Variants in LAMA3 observed in about 807,000 individuals in gnomAD.
The protein encoded by LAMA3 is laminin subunit alpha 3, also known as laminin subunit alpha-3.
Under a neutral mutation model 402.0 loss-of-function variants are expected in LAMA3, and 281 were observed. The observed-to-expected ratio is 0.70, with a 90% CI of 0.63 to 0.77. The LOEUF is 0.77. Ranked by LOEUF, LAMA3 falls within the 30% of genes least tolerant of loss-of-function variation. LAMA3 has a pLI of 0.00. For missense variants in LAMA3, 3,840 were observed against 4,215.5 expected (o/e 0.91, Z 2.47); for synonymous variants, 1,431 against 1,558.4 (o/e 0.92, Z 1.93).
chr18:23,951,857 C>A, intron 73 of LAMA3, 80 bp downstream of exon 73: 1 of 1,093,748 alleles, frequency 9.1e-7, no homozygotes, highest in Non-Finnish European at 1.4e-6. Flanking sequence ...CAAAGGCAGC[C>A]TCAGCCCCTC....
chr18:23,905,774 A>G, intron 52 of LAMA3, 150 bp downstream of exon 52: 1 of 419,530 alleles, frequency 2.4e-6, no homozygotes. Context: ...TATTACTATT[A>G]TTATTTTTAA....
At chr18:23,807,056 C>T (rs1487769907) in intron 12 of LAMA3, among the ~76,000 whole-genome samples, 5 of 152,142 alleles carry the variant, frequency 3.3e-5, no homozygotes, top group Non-Finnish European at 4.4e-5. Flanking sequence ...ATCTCTATTA[C>T]CACATCACAC....
chr18:23,915,161 A>G (rs1430418850), intron 58 of LAMA3, 128 bp from the exon 59 acceptor site: 3 of 1,080,438 alleles, frequency 2.8e-6, no homozygotes, highest in Non-Finnish European at 2.8e-6. Context: ...AAGCCAGGGC[A>G]TCTTGTTCCA....
At chr18:23,798,527 G>A (rs562706507) in intron 12 of LAMA3, among the ~76,000 whole-genome samples, 52 of 152,322 alleles carry the variant, frequency 3.4e-4, no homozygotes, top group Admixed American at 7.8e-4. Flanking sequence ...GGTTTTGGCC[G>A]TGATGCTCCT....
At position 23,709,236 on chromosome 18, in the gene LAMA3, A is replaced by G. The variant is rs140450967; in HGVS notation, c.295-4684A>G. On this transcript the variant is annotated intron_variant, in intron 1 of 74. Coordinates refer to ENST00000313654, the MANE Select transcript of LAMA3 (RefSeq NM_198129.4). ...CAGGCAGGCACCACCACACCCAGCT[A>G]TTATTTTTGTATTTTTAGTAGAGAC... Among the ~76,000 whole-genome samples, 605 of 151,540 alleles carry G rather than the reference A, an allele frequency of 4.0e-3. 3 individuals carry two copies. The highest frequency in any genetic ancestry group is 0.02 in the Middle Eastern group (6 of 294).
chr18:23,945,864 G>T (rs2082690843), intron 69 of LAMA3, among the ~76,000 whole-genome samples: 1 of 152,042 alleles, frequency 6.6e-6, no homozygotes, highest in African/African-American at 2.4e-5. Context: ...TCTCTTTTGT[G>T]TAAGTTTCCA....
chr18:23,758,838 G>T (rs2061909017), intron 7 of LAMA3, among the ~76,000 whole-genome samples: 1 of 152,104 alleles, frequency 6.6e-6, no homozygotes, highest in African/African-American at 2.4e-5. Context: ...TTCATAGGAC[G>T]TGATACTGGA....
chr18:23,696,707 C>G (rs1276159646), intron 1 of LAMA3, among the ~76,000 whole-genome samples: 5 of 152,180 alleles, frequency 3.3e-5, no homozygotes, highest in African/African-American at 1.2e-4. Flanking sequence ...ACCATGTTGC[C>G]TAGGCTGGTC....
In LAMA3 at chr18:23,689,755, G is replaced by A. The variant is rs761264080; in HGVS notation, c.72G>A (p.Leu24=). Residue 24 remains leucine, a synonymous_variant, in exon 1 of 75, where the codon CTG becomes CTA. Coordinates refer to ENST00000313654, the MANE Select transcript of LAMA3 (RefSeq NM_198129.4). ...TGCCGCCGACGCCGCTGCTCCTGCT[G>A]GTACTGCGGGTGCTGCCAGCCTGCG... ...PVLPPTPLLL[L]VLRVLPACGA... is the part of the protein sequence containing the mutation. The A allele has an allele frequency of 5.3e-6, 8 of 1,519,984 alleles. No individual in the cohort carries two copies. In the South Asian group the frequency reaches 7.4e-5, roughly 14 times the overall value. 94.2% of individuals were successfully genotyped at this position (1,519,984 alleles called of 1,614,324 possible).
rs2063047148 is a variant in LAMA3 at position 23,810,488 on chromosome 18, T to A, written c.1726T>A (p.Phe576Ile). 6.2e-7 allele frequency: 1 copy of A among 1,614,044 alleles called. No homozygotes were observed. Among genetic ancestry groups the A allele is most frequent in the African/African-American group, 1.3e-5 (1 of 75,014 alleles). ...CAGGTGTCTCTCAGGAGCTTATGAT[T>A]TCCCCCACTGCCAAGGTAGGAAAGT... ...CDRCLSGAYDFPHCQGSSSAC... is the reference protein window; with the variant it reads ...CDRCLSGAYDIPHCQGSSSAC... Residue 576 changes from phenylalanine (F) to isoleucine (I), a missense_variant, in exon 13 of 75, where the codon TTC becomes ATC. Phe to Ile is a conservative substitution (Grantham distance 21, BLOSUM62 0). Transcript: ENST00000313654.
chr18:23,719,193 A>G (rs1387744170), intron 2 of LAMA3, among the ~76,000 whole-genome samples: 4 of 152,204 alleles, frequency 2.6e-5, no homozygotes, highest in Non-Finnish European at 5.9e-5. Context: ...GCCCAAACTA[A>G]GACAGAAGAA....
At chr18:23,721,854 A>G (rs895113147) in intron 2 of LAMA3, among the ~76,000 whole-genome samples, 2 of 152,230 alleles carry the variant, frequency 1.3e-5, no homozygotes, top group African/African-American at 4.8e-5. Context: ...CAGAATCCAT[A>G]GTGGTGAGCT....
At chr18:23,711,939 A>G (rs2060997618) in intron 1 of LAMA3, among the ~76,000 whole-genome samples, 1 of 152,254 alleles carries the variant, frequency 6.6e-6, no homozygotes, top group South Asian at 2.1e-4. Context: ...TTTTGCTTCT[A>G]GCCAGATGTA....
At chr18:23,813,553 C>CTTTTTT (rs1164123647) in intron 14 of LAMA3, among the ~76,000 whole-genome samples, 179 of 115,002 alleles carry the variant, frequency 1.6e-3, no homozygotes, top group Non-Finnish European at 2.0e-3. Context: ...TCTTTTCTTT[C>CTTTTTT]TTTTTTTTTT....
intron 17 of LAMA3, 72 bp from the exon 18 acceptor site, chr18:23,816,316 C>T: frequency 8.5e-7 from 1 of 1,178,208 alleles, no homozygotes; most frequent in Non-Finnish European, 1.3e-6. Flanking sequence ...GTTTTCCTTT[C>T]TTGTACAGCA....
At position 23,876,329 on chromosome 18, in the gene LAMA3, C is replaced by G; in HGVS notation, c.5034C>G (p.Gly1678=). ...CSPGYYRDHK[G]LYTGRCVPCN... ...CTGGATACTATCGGGATCATAAAGG[C>G]TTGTATACCGGACGGTGTGTTCCCT... is the stretch of plus-strand genomic sequence containing the variant. The change falls in exon 39 of 75, where the codon GGC becomes GGG. Residue 1678 remains glycine (G), a synonymous_variant. Coordinates refer to ENST00000313654, the MANE Select transcript of LAMA3 (RefSeq NM_198129.4). The G allele has an allele frequency of 6.2e-7, 1 of 1,613,952 alleles. No individual in the cohort carries two copies. Among genetic ancestry groups the G allele is most frequent in the East Asian group, 2.2e-5 (1 of 44,884 alleles).
chr18:23,737,977 C>G (rs1404852690), intron 2 of LAMA3, among the ~76,000 whole-genome samples: 1 of 152,176 alleles, frequency 6.6e-6, no homozygotes, highest in Admixed American at 6.5e-5. Flanking sequence ...TTGGGTCACG[C>G]TGAGCTGGGG....
intron 44 of LAMA3, 84 bp downstream of exon 44, chr18:23,895,142 G>T: frequency 6.8e-7 from 1 of 1,475,456 alleles, no homozygotes; most frequent in Non-Finnish European, 9.2e-7. Flanking sequence ...GGGAAAGGTT[G>T]ACTCCTGGAA....
intron 2 of LAMA3, among the ~76,000 whole-genome samples, chr18:23,734,699 A>C (rs1301904610): frequency 1.3e-5 from 2 of 152,248 alleles, no homozygotes; most frequent in African/African-American, 4.8e-5. Flanking sequence ...ATAAAAAGAT[A>C]GCCCCACGTG....
Sources: gnomAD v4.1 joint callset for allele counts (sites outside exome capture counted in the v4.1 genomes callset) on GRCh38, gnomAD v4.1.1 for gene constraint, MANE v1.5 for transcripts, NCBI Gene and HGNC (gene_info 2026-07-23, HGNC 2026-07-21) for gene names.